The following RPN2 variants were observed in gnomAD, a reference collection of about 807,000 sequenced individuals.
RPN2 encodes dolichyl-diphosphooligosaccharide--protein glycosyltransferase subunit 2.
A neutral mutation model predicts 71.4 loss-of-function variants in RPN2; 29 were observed. The observed-to-expected ratio is 0.41, with a 90% CI of 0.30 to 0.55. The LOEUF is 0.55. RPN2 is among the 20% of genes least tolerant of loss of function. RPN2 has a pLI of 0.35. For missense variants in RPN2, 726 were observed against 774.1 expected (o/e 0.94, Z 0.74); for synonymous variants, 308 against 305.0 (o/e 1.01, Z -0.10).
intron 7 of RPN2, 131 bp downstream of exon 7, chr20:37,207,580 T>C: frequency 1.2e-6 from 1 of 858,800 alleles, no homozygotes; most frequent in South Asian, 1.4e-5. Flanking sequence ...AGGGCAAGGC[T>C]CATTTCCCTG....
Position 37,237,843 on chromosome 20 carries a change from G to T in RPN2, c.1883+1134G>T, listed in dbSNP as rs112737587. Among the ~76,000 whole-genome samples the T allele has an allele frequency of 5.1e-3, 783 of 152,246 alleles. 5 individuals carry two copies. The highest frequency in any genetic ancestry group is 0.018 in the African/African-American group (746 of 41,520). On this transcript the variant is annotated intron_variant, in intron 16 of 16. Transcript: ENST00000237530. ...TGCAGCACCTGCCTGGGCCCCCAGGGAGCCAAAAGACTGCTCTGCTAAGTT... is the reference window on the plus strand; with the variant it reads ...TGCAGCACCTGCCTGGGCCCCCAGGTAGCCAAAAGACTGCTCTGCTAAGTT...
intron 1 of RPN2, among the ~76,000 whole-genome samples, chr20:37,183,845 C>T (rs113336364): frequency 0.023 from 3,575 of 152,230 alleles, 58 homozygotes; most frequent in Middle Eastern, 0.034. Flanking sequence ...GCGGGAAGCG[C>T]GAGGGAGGAG....
At chr20:37,227,160 C>T (rs1462115329) in intron 11 of RPN2, among the ~76,000 whole-genome samples, 4 of 152,212 alleles carry the variant, frequency 2.6e-5, no homozygotes, top group African/African-American at 9.7e-5. Flanking sequence ...CTTAGCCAAG[C>T]CTAACTGACC....
At chr20:37,227,924 A>G in intron 11 of RPN2, among the ~76,000 whole-genome samples, 1 of 152,240 alleles carries the variant, frequency 6.6e-6, no homozygotes. Context: ...TCACACAGAT[A>G]TGCCACATCT....
chr20:37,212,600 C>G (rs2067701190), intron 8 of RPN2, among the ~76,000 whole-genome samples: 1 of 151,806 alleles, frequency 6.6e-6, no homozygotes, highest in South Asian at 2.1e-4. Flanking sequence ...GCCTCAGCTT[C>G]CTAAGTAGCT....
At chr20:37,210,692 G>A (rs1359307792) in intron 8 of RPN2, among the ~76,000 whole-genome samples, 3 of 151,728 alleles carry the variant, frequency 2.0e-5, no homozygotes, top group Admixed American at 6.6e-5. Flanking sequence ...CACCACGTCC[G>A]GCTAATTTTT....
chr20:37,237,578 T>A (rs1166643026), intron 16 of RPN2, among the ~76,000 whole-genome samples: 2 of 152,130 alleles, frequency 1.3e-5, no homozygotes, highest in African/African-American at 2.4e-5. Flanking sequence ...GGAGAAGATG[T>A]CTCATCTCCG....
intron 16 of RPN2, among the ~76,000 whole-genome samples, chr20:37,239,684 A>T (rs1216243156): frequency 6.6e-6 from 1 of 152,094 alleles, no homozygotes; most frequent in African/African-American, 2.4e-5. Flanking sequence ...AATCCTGAAA[A>T]ACCTCTGTAG....
At position 37,241,409 on chromosome 20, in the gene RPN2, CTTTA is replaced by C. The variant is rs2068547508; in HGVS notation, c.*99_*102del. On this transcript the variant is annotated 3_prime_UTR_variant, in exon 17 of 17. Transcript: ENST00000237530. ...TGAGAAGAAAAATGGAAAAAAAAAA[CTTTA>C]TTTAAAAAAGAAAAAAGTCCAGATT... is the stretch of plus-strand genomic sequence containing the variant. The C allele has an allele frequency of 1.4e-6, 2 of 1,418,646 alleles. No homozygotes were observed. Among genetic ancestry groups the C allele is most frequent in the Non-Finnish European group, 9.7e-7 (1 of 1,034,952 alleles). The allele number at this position is 1,418,646 out of a possible 1,614,324, so 87.9% of individuals were successfully genotyped here.
At chr20:37,221,037 A>G (rs1043256116) in intron 9 of RPN2, among the ~76,000 whole-genome samples, 6 of 152,204 alleles carry the variant, frequency 3.9e-5, no homozygotes, top group Admixed American at 3.3e-4. Flanking sequence ...GGGGATGCTC[A>G]GGATGTCTTT....
intron 12 of RPN2, 151 bp downstream of exon 12, chr20:37,228,895 A>C: frequency 1.4e-6 from 1 of 724,006 alleles, no homozygotes; most frequent in Non-Finnish European, 2.4e-6. Context: ...TGCAGTCTCC[A>C]TAAATAGTCC....
intron 2 of RPN2, among the ~76,000 whole-genome samples, chr20:37,186,025 T>C (rs1413189100): frequency 6.6e-6 from 1 of 152,236 alleles, no homozygotes; most frequent in Non-Finnish European, 1.5e-5. Flanking sequence ...TAGGAGTTGC[T>C]CTCTGTTCCT....
chr20:37,233,938 A>G, intron 14 of RPN2, 82 bp from the exon 15 acceptor site: 1 of 1,479,690 alleles, frequency 6.8e-7, no homozygotes, highest in Non-Finnish European at 9.4e-7. Flanking sequence ...GGGGCTGTTG[A>G]TGGGATTAGC....
At chr20:37,238,290 A>G (rs1045802291) in intron 16 of RPN2, 3 of 839,732 alleles carry the variant, frequency 3.6e-6, no homozygotes, top group Non-Finnish European at 6.0e-6. Context: ...CTACCCTGGA[A>G]AAATCAGTGA....
At chr20:37,188,394 C>G (rs996332073) in intron 2 of RPN2, among the ~76,000 whole-genome samples, 2 of 151,852 alleles carry the variant, frequency 1.3e-5, no homozygotes, top group African/African-American at 4.8e-5. Context: ...ACCTTGTGAT[C>G]TGCCCGTCTT....
In RPN2 at chr20:37,225,817, T is replaced by TA. The variant is rs778684799; in HGVS notation, c.1299+16dup. On this transcript the variant is annotated intron_variant, in intron 11 of 16. Transcript: ENST00000237530. ...CTCCTCACCAGGTCAGGAAGACACCTAGACAGTTCTCTTAACCTGAAATGT... is the reference window on the plus strand; with the variant it reads ...CTCCTCACCAGGTCAGGAAGACACCTAAGACAGTTCTCTTAACCTGAAATGT... 9 of 1,526,994 alleles carry TA rather than the reference T, an allele frequency of 5.9e-6. No homozygotes were observed. In the African/African-American group the frequency reaches 1.1e-4, roughly 19 times the overall value. The allele number at this position is 1,526,994 out of a possible 1,614,324, so 94.6% of individuals were successfully genotyped here.
At chr20:37,200,658 C>G (rs1464295664) in intron 4 of RPN2, among the ~76,000 whole-genome samples, 1 of 152,128 alleles carries the variant, frequency 6.6e-6, no homozygotes, top group South Asian at 2.1e-4. Context: ...CCTCCTCACA[C>G]CCTCCCTATA....
chr20:37,214,941 A>AT (rs889195096), intron 9 of RPN2, among the ~76,000 whole-genome samples: 24 of 151,878 alleles, frequency 1.6e-4, no homozygotes, highest in African/African-American at 5.6e-4. Flanking sequence ...CCAAAGGGTG[A>AT]TTTTCTCTTT....
In RPN2 at chr20:37,198,383, T is replaced by A. The variant is rs1406240544; in HGVS notation, c.208-14T>A. ...TGTGTCACCACTTAACATTGACTTT[T>A]CCCCACTGTGTAGAAAGCATGTACC... is the stretch of plus-strand genomic sequence containing the variant. On this transcript the variant is annotated splice_polypyrimidine_tract_variant and intron_variant, in intron 2 of 16. Transcript: ENST00000237530. 1 of 1,614,216 alleles carries A rather than the reference T, an allele frequency of 6.2e-7. No individual in the cohort carries two copies. Among genetic ancestry groups the A allele is most frequent in the Non-Finnish European group, 8.5e-7 (1 of 1,180,038 alleles).
Sources: gnomAD v4.1 joint callset for allele counts (sites outside exome capture counted in the v4.1 genomes callset) on GRCh38, gnomAD v4.1.1 for gene constraint, MANE v1.5 for transcripts, NCBI Gene and HGNC (gene_info 2026-07-23, HGNC 2026-07-21) for gene names.